The following ASAP1 variants were observed in gnomAD, a reference collection of about 807,000 sequenced individuals.
ASAP1 encodes ArfGAP with SH3 domain, ankyrin repeat and PH domain 1.
A neutral mutation model predicts 145.2 loss-of-function variants in ASAP1; 43 were observed. The observed-to-expected ratio is 0.30, with a 90% confidence interval of 0.23 to 0.38. ASAP1 has a LOEUF of 0.38. Among genes scored for constraint, ASAP1 ranks in the 10% least tolerant of loss-of-function variants. ASAP1 has a pLI of 1.00. For missense variants in ASAP1, 1,018 were observed against 1,355.3 expected (o/e 0.75, Z 3.91); for synonymous variants, 546 against 515.5 (o/e 1.06, Z -0.80).
chr8:130,080,703 G>C (rs765288151), intron 25 of ASAP1, among the ~76,000 whole-genome samples: 75 of 152,110 alleles, frequency 4.9e-4, no homozygotes, highest in Non-Finnish European at 9.6e-4. Flanking sequence ...TGCAATCTCA[G>C]CTCACTGCAG....
intron 2 of ASAP1, among the ~76,000 whole-genome samples, chr8:130,379,047 T>C (rs560537122): frequency 6.6e-6 from 1 of 152,094 alleles, no homozygotes; most frequent in South Asian, 2.1e-4. Context: ...GCCAAAAAGA[T>C]GTCTGGGGGA....
At chr8:130,326,939 A>G (rs1198192551) in intron 3 of ASAP1, among the ~76,000 whole-genome samples, 2 of 152,144 alleles carry the variant, frequency 1.3e-5, no homozygotes. Flanking sequence ...CACCAGACCC[A>G]CTGTGGTTAT....
At chr8:130,177,169 T>C (rs778052938) in intron 9 of ASAP1, among the ~76,000 whole-genome samples, 2 of 152,186 alleles carry the variant, frequency 1.3e-5, no homozygotes, top group Admixed American at 6.6e-5. Context: ...TAATACATAT[T>C]TGTGGAAAGG....
chr8:130,098,053 T>C (rs1325662413), intron 24 of ASAP1, among the ~76,000 whole-genome samples: 2 of 152,252 alleles, frequency 1.3e-5, no homozygotes, highest in East Asian at 1.9e-4. Flanking sequence ...CTGAGTATTA[T>C]GTGCTTGAGC....
chr8:130,073,297 G>A (rs1358374732), intron 27 of ASAP1, among the ~76,000 whole-genome samples: 1 of 151,882 alleles, frequency 6.6e-6, no homozygotes, highest in Middle Eastern at 3.2e-3. Context: ...GGCCGAGGCA[G>A]GAGAATCGCT....
At chr8:130,298,884 A>C (rs937879676) in intron 3 of ASAP1, among the ~76,000 whole-genome samples, 1 of 152,168 alleles carries the variant, frequency 6.6e-6, no homozygotes, top group African/African-American at 2.4e-5. Context: ...CTGTTTATTC[A>C]TATGTCTGCC....
intron 2 of ASAP1, among the ~76,000 whole-genome samples, chr8:130,373,109 TATACACACACACACACAC>T (rs1444408095): frequency 3.2e-4 from 41 of 127,618 alleles, no homozygotes; most frequent in Admixed American, 1.3e-3. Context: ...CAGAAATACA[TATACACACACACACACAC>T]ACACACACAC....
chr8:130,436,129 A>G (rs953273264), intron 1 of ASAP1, among the ~76,000 whole-genome samples: 9 of 152,206 alleles, frequency 5.9e-5, no homozygotes, highest in African/African-American at 2.2e-4. Context: ...ATAAAACACA[A>G]AACAGAAACC....
At chr8:130,219,429 G>C (rs1817153841) in intron 4 of ASAP1, among the ~76,000 whole-genome samples, 1 of 152,122 alleles carries the variant, frequency 6.6e-6, no homozygotes, top group Non-Finnish European at 1.5e-5. Context: ...CCATCTGAGG[G>C]GAATGTCAGT....
chr8:130,342,451 C>T (rs191589552), intron 3 of ASAP1, among the ~76,000 whole-genome samples: 2 of 152,296 alleles, frequency 1.3e-5, no homozygotes, highest in Admixed American at 6.5e-5. Flanking sequence ...TGGACCTTGA[C>T]TTAACAGATG....
chr8:130,072,831 G>GCGCGCGCGCGCGCGCGCGCGCGCGC (rs58907739), intron 27 of ASAP1, among the ~76,000 whole-genome samples: 1 of 110,706 alleles, frequency 9.0e-6, no homozygotes, highest in Non-Finnish European at 2.0e-5. Flanking sequence ...GTGTGCGCGC[G>GCGCGCGCGCGCGCGCGCGCGCGCGC]GGGGGGGGCA....
chr8:130,425,017 T>A (rs1002315407), intron 1 of ASAP1, among the ~76,000 whole-genome samples: 18 of 141,228 alleles, frequency 1.3e-4, no homozygotes, highest in Admixed American at 5.8e-4. Flanking sequence ...AATAAATAAA[T>A]AAAAAAAAGA....
chr8:130,137,701 G>A (rs972064000), intron 13 of ASAP1, among the ~76,000 whole-genome samples: 1 of 152,150 alleles, frequency 6.6e-6, no homozygotes, highest in African/African-American at 2.4e-5. Flanking sequence ...TCTGGGGAGA[G>A]AGAAAATTTG....
rs1355386043 is a variant in ASAP1 at position 130,296,200 on chromosome 8, T to C, written c.187-59206A>G. Reference sequence around the variant, plus strand: ...GAGTCTTGCTTAGGGTACTAGCTTCTGAAAGGACAAGACAGTCCCCACTCT... The same window carrying C: ...GAGTCTTGCTTAGGGTACTAGCTTCCGAAAGGACAAGACAGTCCCCACTCT... On this transcript the variant is annotated intron_variant, in intron 3 of 29. Transcript: ENST00000518721. 2.6e-5 allele frequency among the ~76,000 whole-genome samples: 4 copies of C among 152,322 alleles called. No homozygotes were observed. In the South Asian group the frequency reaches 6.2e-4, roughly 24 times the overall value.
chr8:130,306,982 T>C (rs1347099933), intron 3 of ASAP1, among the ~76,000 whole-genome samples: 2 of 152,228 alleles, frequency 1.3e-5, no homozygotes, highest in African/African-American at 4.8e-5. Flanking sequence ...ACTCTTCTCA[T>C]TCTGGCTCCT....
chr8:130,228,646 A>G (rs1462711936), intron 4 of ASAP1, among the ~76,000 whole-genome samples: 3 of 151,356 alleles, frequency 2.0e-5, no homozygotes, highest in African/African-American at 7.3e-5. Flanking sequence ...GGCTGAAGTG[A>G]GCCAAGATCA....
In ASAP1 at chr8:130,054,647, G is replaced by T; in HGVS notation, c.*84C>A. The stretch of plus-strand genomic sequence containing the variant: ...ATGAGTTTCTTACTCTGTAACAGCA[G>T]CTATATACACACTGTGCCCAGGGTT... On this transcript the variant is annotated 3_prime_UTR_variant, in exon 30 of 30. Transcript: ENST00000518721. The T allele has an allele frequency of 8.6e-7, 1 of 1,169,452 alleles. No individual in the cohort carries two copies. The highest frequency in any genetic ancestry group is 1.3e-6 in the Non-Finnish European group (1 of 778,750). 72.4% of individuals were successfully genotyped at this position (1,169,452 alleles called of 1,614,324 possible).
At chr8:130,066,760 T>C (rs2097431782) in intron 27 of ASAP1, among the ~76,000 whole-genome samples, 1 of 152,194 alleles carries the variant, frequency 6.6e-6, no homozygotes, top group African/African-American at 2.4e-5. Context: ...AAACTGCAAG[T>C]GCCCTCAGAG....
chr8:130,341,444 T>A (rs1474499820), intron 3 of ASAP1, among the ~76,000 whole-genome samples: 2 of 152,196 alleles, frequency 1.3e-5, no homozygotes. Context: ...CAGATCTTTG[T>A]ATAAACCTCG....
Sources: allele counts gnomAD v4.1 joint callset (sites outside exome capture counted in the v4.1 genomes callset), GRCh38; gene constraint gnomAD v4.1.1; transcripts MANE v1.5; gene names NCBI Gene and HGNC (gene_info 2026-07-23, HGNC 2026-07-21).